ZNF532: variants seen among roughly 807,000 people sequenced by gnomAD.
ZNF532 encodes the protein zinc finger protein 532.
ZNF532 carries 22 observed loss-of-function variants against 89.3 expected under a neutral mutation model. The observed-to-expected ratio is 0.25, with a 90% CI of 0.18 to 0.35. ZNF532 has a LOEUF of 0.35. ZNF532 is among the 10% of genes least tolerant of loss of function. ZNF532 has a pLI of 1.00. For synonymous variants in ZNF532, 606 were observed against 649.6 expected, an observed-to-expected ratio of 0.93 and a Z score of 1.02; for missense variants, 1,132 against 1,643.4, an observed-to-expected ratio of 0.69 and a Z score of 5.38.
At chr18:58,892,713 A>G (rs200782266) in intron 2 of ZNF532, among the ~76,000 whole-genome samples, 218 of 152,370 alleles carry the variant, frequency 1.4e-3, no homozygotes, top group East Asian at 9.4e-3. Flanking sequence ...TGCAGAAGCA[A>G]TGTTCGTGTA....
intron 6 of ZNF532, among the ~76,000 whole-genome samples, chr18:58,952,964 G>T (rs2064367284): frequency 6.6e-6 from 1 of 152,178 alleles, no homozygotes; most frequent in Non-Finnish European, 1.5e-5. Context: ...AGGATGTAAG[G>T]AGATGAAAAT....
At chr18:58,866,276 A>G (rs2056453564) in intron 2 of ZNF532, among the ~76,000 whole-genome samples, 1 of 152,240 alleles carries the variant, frequency 6.6e-6, no homozygotes, top group Non-Finnish European at 1.5e-5. Context: ...GCCTTTAAAG[A>G]TCGCAGTTAG....
Position 58,918,807 on chromosome 18 carries a change from G to A in ZNF532, c.520G>A (p.Asp174Asn), listed in dbSNP as rs761715303. 32 of 1,614,042 alleles carry A rather than the reference G, an allele frequency of 2.0e-5. No homozygotes were observed. Among genetic ancestry groups the A allele is most frequent in the South Asian group, 4.4e-5 (4 of 91,086 alleles). The change falls in exon 3 of 10, where the codon GAT becomes AAT. Residue 174 changes from aspartate to asparagine, a missense_variant. Transcript: ENST00000591808. ...LTGSAPQQDY[D>N]KLKALGGENS... ...GGGGTCGGCTCCCCAGCAGGACTAC[G>A]ATAAGCTGAAGGCACTCGGAGGGGA...
At chr18:58,964,609 CAG>C (rs1460449623) in intron 7 of ZNF532, among the ~76,000 whole-genome samples, 11 of 143,050 alleles carry the variant, frequency 7.7e-5, no homozygotes, top group Non-Finnish European at 9.1e-5. Context: ...TTTTTTTAGA[CAG>C]AGTCTCGCTC....
At chr18:58,979,220 G>A (rs2067415488) in intron 8 of ZNF532, 53 bp downstream of exon 8, 2 of 1,477,036 alleles carry the variant, frequency 1.4e-6, no homozygotes, top group South Asian at 1.2e-5. Context: ...AGGAACCTCT[G>A]GAAGGTTTTT....
At chr18:58,899,478 A>AT (rs919444331) in intron 2 of ZNF532, among the ~76,000 whole-genome samples, 7 of 151,280 alleles carry the variant, frequency 4.6e-5, no homozygotes, top group African/African-American at 1.2e-4. Flanking sequence ...TTATTTATTT[A>AT]TTTTTTTTGA....
chr18:58,923,026 G>A (rs1442745122), intron 3 of ZNF532, among the ~76,000 whole-genome samples: 2 of 152,144 alleles, frequency 1.3e-5, no homozygotes, highest in Non-Finnish European at 2.9e-5. Context: ...CATCACTTTT[G>A]TATCTTGCTG....
chr18:58,938,277 G>C (rs2062641755), intron 4 of ZNF532, among the ~76,000 whole-genome samples: 1 of 152,188 alleles, frequency 6.6e-6, no homozygotes, highest in Non-Finnish European at 1.5e-5. Context: ...TGTACCTGCA[G>C]AGAGACCACT....
intron 7 of ZNF532, among the ~76,000 whole-genome samples, chr18:58,973,987 G>A (rs1412136478): frequency 6.6e-6 from 1 of 152,162 alleles, no homozygotes; most frequent in East Asian, 1.9e-4. Context: ...GGGTCGAGGG[G>A]GTGGGGTTGA....
intron 2 of ZNF532, among the ~76,000 whole-genome samples, chr18:58,904,462 C>T (rs1460294236): frequency 2.0e-5 from 3 of 151,754 alleles, no homozygotes; most frequent in Non-Finnish European, 2.9e-5. Context: ...TAAAGGGAAA[C>T]GGTAGTTCCT....
chr18:58,879,776 A>C (rs2073324195), intron 2 of ZNF532, among the ~76,000 whole-genome samples: 1 of 152,114 alleles, frequency 6.6e-6, no homozygotes, highest in African/African-American at 2.4e-5. Context: ...TTTCAGTGGT[A>C]GGGGTGGATT....
chr18:58,883,680 G>T (rs1275672003), intron 2 of ZNF532, among the ~76,000 whole-genome samples: 2 of 152,156 alleles, frequency 1.3e-5, no homozygotes, highest in Non-Finnish European at 2.9e-5. Flanking sequence ...AGCATTTGGG[G>T]CTGGATAATT....
At chr18:58,942,608 G>A (rs1193430718) in intron 5 of ZNF532, among the ~76,000 whole-genome samples, 1 of 151,878 alleles carries the variant, frequency 6.6e-6, no homozygotes, top group Non-Finnish European at 1.5e-5. Context: ...AGCTCTGTTG[G>A]GCCCAGTAGG....
intron 2 of ZNF532, among the ~76,000 whole-genome samples, chr18:58,887,895 A>G (rs2058417155): frequency 6.6e-6 from 1 of 152,174 alleles, no homozygotes; most frequent in African/African-American, 2.4e-5. Flanking sequence ...CCCGGGGCAG[A>G]GGGGAGCAGA....
chr18:58,889,999 T>C (rs1568252162), intron 2 of ZNF532, among the ~76,000 whole-genome samples: 1 of 146,056 alleles, frequency 6.8e-6, no homozygotes, highest in Admixed American at 6.8e-5. Context: ...AGGAGAATCG[T>C]TTGAACCCGG....
At position 58,959,595 on chromosome 18, in the gene ZNF532, T is replaced by C. The variant is rs565141790; in HGVS notation, c.3150+5796T>C. On this transcript the variant is annotated intron_variant, in intron 7 of 9. Transcript: ENST00000591808. ...TAGATAGATGTGGTCCAGTACTGTG[T>C]CTGTAACTTGGGAAGAGCCTGGGAG... 9.8e-5 allele frequency among the ~76,000 whole-genome samples: 15 copies of C among 152,286 alleles called. 1 individual carries two copies. Among genetic ancestry groups the C allele is most frequent in the African/African-American group, 3.6e-4 (15 of 41,560 alleles).
chr18:58,948,381 T>A (rs2063842193), intron 6 of ZNF532, 152 bp downstream of exon 6: 2 of 677,756 alleles, frequency 3.0e-6, no homozygotes, highest in Non-Finnish European at 4.8e-6. Flanking sequence ...TTACATGCTG[T>A]CATCATGTGT....
chr18:58,967,695 G>A (rs73439980), intron 7 of ZNF532, among the ~76,000 whole-genome samples: 2,688 of 152,220 alleles, frequency 0.018, 96 homozygotes, highest in African/African-American at 0.061. Flanking sequence ...TAATCGAAAC[G>A]CACGGCATTC....
chr18:58,881,107 C>CTT (rs796877706), intron 2 of ZNF532, among the ~76,000 whole-genome samples: 1 of 144,304 alleles, frequency 6.9e-6, no homozygotes, highest in Non-Finnish European at 1.5e-5. Context: ...TTCTTTTTTT[C>CTT]TTTTTTTTTT....
Sources: allele counts gnomAD v4.1 joint callset (sites outside exome capture counted in the v4.1 genomes callset), GRCh38; gene constraint gnomAD v4.1.1; transcripts MANE v1.5; gene names NCBI Gene and HGNC (gene_info 2026-07-23, HGNC 2026-07-21).